CPSF1: variants seen among roughly 807,000 people sequenced by gnomAD.
CPSF1 encodes the protein cleavage and polyadenylation specific factor 1, also known as cleavage and polyadenylation specificity factor subunit 1.
Under a neutral mutation model 175.8 loss-of-function variants are expected in CPSF1, and 106 were observed. The ratio of observed to expected loss-of-function variants is 0.60; its 90% CI spans 0.52 to 0.71. The LOEUF is 0.71. Ranked by LOEUF, CPSF1 falls within the 30% of genes least tolerant of loss-of-function variation. The pLI, the probability that CPSF1 is intolerant of heterozygous loss-of-function variation, is 0.00. For synonymous variants in CPSF1, 1,024 were observed against 858.3 expected, an observed-to-expected ratio of 1.19 and a Z score of -3.37; for missense variants, 1,734 against 2,022.9, an observed-to-expected ratio of 0.86 and a Z score of 2.74.
In CPSF1 at chr8:144,393,232, C is replaced by G; in HGVS notation, c.*86G>C. On this transcript the variant is annotated 3_prime_UTR_variant, in exon 38 of 38. Transcript: ENST00000616140. ...CCGTGTAATGACCACACACTCCTCT[C>G]AAGCAAAAAATGTTTTTCCTTGTGT... 1 of 1,409,954 alleles carries G rather than the reference C, an allele frequency of 7.1e-7. No individual in the cohort carries two copies. Among genetic ancestry groups the G allele is most frequent in the Non-Finnish European group, 9.5e-7 (1 of 1,057,444 alleles). The allele number at this position is 1,409,954 out of a possible 1,614,324, so 87.3% of individuals were successfully genotyped here.
At chr8:144,400,135 G>GGGCCCCCCCCCCCCCCCCCCCCCCCCCCC in intron 9 of CPSF1, 31 bp downstream of exon 9, 38 of 895,946 alleles carry the variant, frequency 4.2e-5, no homozygotes, top group Non-Finnish European at 5.5e-5. Context: ...CCGTCCCCGG[G>GGGCCCCCCCCCCCCCCCCCCCCCCCCCCC]CCCCCCCCGC....
Position 144,394,011 on chromosome 8 carries a change from AGGC to A in CPSF1, c.3884_3886del (p.Arg1295del), listed in dbSNP as rs1554862532. On this transcript the variant is annotated inframe_deletion, in exon 35 of 38. Coordinates refer to ENST00000616140, the MANE Select transcript of CPSF1 (RefSeq NM_013291.3). ...CACGTGGAAGTCTGCCCGACGCAGCAGGCGCATGCCCCCGAAACTCTCCTTGGC... is the reference window on the plus strand; with the variant it reads ...CACGTGGAAGTCTGCCCGACGCAGCAGCATGCCCCCGAAACTCTCCTTGGC... 1 of 1,612,640 alleles carries A rather than the reference AGGC, an allele frequency of 6.2e-7. No individual in the cohort carries two copies. The highest frequency in any genetic ancestry group is 2.2e-5 in the East Asian group (1 of 44,850).
intron 2 of CPSF1, among the ~76,000 whole-genome samples, chr8:144,406,181 G>A (rs1821490389): frequency 6.6e-6 from 1 of 151,806 alleles, no homozygotes; most frequent in East Asian, 1.9e-4. Context: ...CAAAACAGAA[G>A]AAGAAAACCT....
Position 144,399,677 on chromosome 8 carries a change from C to T in CPSF1, c.1153G>A (p.Gly385Ser), listed in dbSNP as rs1038133042. 1 of 1,610,676 alleles carries T rather than the reference C, an allele frequency of 6.2e-7. No homozygotes were observed. The highest frequency in any genetic ancestry group is 8.5e-7 in the Non-Finnish European group (1 of 1,178,620). The stretch of plus-strand genomic sequence containing the variant: ...AGGAGGGAATTGCCCAGGCGAGAAC[C>T]CAGGAACAGGTACCCGGGCTCCATG... The part of the protein sequence containing the change: ...VTMEPGYLFL[G>S]SRLGNSLLLK... The change falls in exon 12 of 38, where the codon GGT becomes AGT. Residue 385 changes from glycine (G) to serine (S), a missense_variant. By Grantham distance (56) the Gly-to-Ser change is moderately conservative. Around this residue, in one of 10 missense-constraint regions of CPSF1, gnomAD observed 162 missense variants for 169.5 expected, o/e 0.96. Coordinates refer to ENST00000616140, the MANE Select transcript of CPSF1 (RefSeq NM_013291.3). This position sits in a 1 kb window ranked among gnomAD's most constrained non-coding sequence, Gnocchi z 6.4.
chr8:144,406,553 T>C (rs1272386966), intron 2 of CPSF1, among the ~76,000 whole-genome samples: 4 of 152,228 alleles, frequency 2.6e-5, no homozygotes, highest in African/African-American at 9.6e-5. Flanking sequence ...ATATTCTGGG[T>C]GATCTCAACC....
At chr8:144,409,207 T>C (rs2116913787) in intron 1 of CPSF1, 35 bp from the exon 2 acceptor site, 2 of 1,496,868 alleles carry the variant, frequency 1.3e-6, no homozygotes, top group East Asian at 2.6e-5. Flanking sequence ...GTGAGCGGGG[T>C]CGCCCACGCA....
At position 144,397,575 on chromosome 8, in the gene CPSF1, C is replaced by T; in HGVS notation, c.2297G>A (p.Ser766Asn). ...SPSKEEARRS[S>N]QPPADRDPAP... ...AGGGTCCCGGTCAGCAGGGGGCTGG[C>T]TGCTTCTTCGGGCCTCCTCCTTGCT... The change falls in exon 22 of 38, where the codon AGC (serine) becomes AAC (asparagine). Residue 766 changes from serine to asparagine, a missense_variant. By Grantham distance (46) the Ser-to-Asn change is conservative. This residue lies in a region of CPSF1 where 585 missense variants were observed against 584.7 expected (regional missense o/e 1.00). Coordinates refer to ENST00000616140, the MANE Select transcript of CPSF1 (RefSeq NM_013291.3). 1.3e-6 allele frequency: 2 copies of T among 1,543,984 alleles called. No homozygotes were observed. The highest frequency in any genetic ancestry group is 1.8e-6 in the Non-Finnish European group (2 of 1,139,912).
At chr8:144,406,719 C>T (rs2116906045) in intron 2 of CPSF1, among the ~76,000 whole-genome samples, 4 of 152,126 alleles carry the variant, frequency 2.6e-5, no homozygotes, top group Middle Eastern at 3.2e-3. Context: ...CGGTGGCCAG[C>T]GTCCAAGGCA....
intron 26 of CPSF1, 139 bp downstream of exon 26, chr8:144,396,209 G>C (rs1820716151): frequency 2.2e-6 from 2 of 901,030 alleles, no homozygotes; most frequent in South Asian, 1.7e-5. Context: ...CCACCTCCTC[G>C]ACCTCAACCC....
intron 26 of CPSF1, 191 bp from the exon 27 acceptor site, chr8:144,395,742 T>C: frequency 6.6e-6 from 4 of 605,238 alleles, no homozygotes; most frequent in Non-Finnish European, 1.2e-5. Context: ...CCTGTCCATT[T>C]TCCCACGCTC....
intron 2 of CPSF1, among the ~76,000 whole-genome samples, chr8:144,403,059 C>T (rs1052550987): frequency 1.3e-5 from 2 of 151,618 alleles, no homozygotes; most frequent in Non-Finnish European, 2.9e-5. Flanking sequence ...TAAAGGCATT[C>T]GTGATAAAAA....
intron 2 of CPSF1, among the ~76,000 whole-genome samples, chr8:144,407,130 G>T (rs1303592112): frequency 6.6e-6 from 1 of 151,748 alleles, no homozygotes; most frequent in East Asian, 1.9e-4. Context: ...GGCCAGACTG[G>T]TCTCGAACCC....
chr8:144,400,135 G>GGGGGGCGCC, intron 9 of CPSF1, 31 bp downstream of exon 9: 1 of 896,010 alleles, frequency 1.1e-6, no homozygotes, highest in Non-Finnish European at 1.6e-6. Context: ...CCGTCCCCGG[G>GGGGGGCGCC]CCCCCCCCGC....
In CPSF1 at chr8:144,395,566, CA is replaced by C. The variant is rs1554863468; in HGVS notation, c.2980-16del. ...CTCAGCTCGCCCTGGGGTGGGGGCA[CA>C]GGGGTCAGGGGATCCAGGGCTAGCC... On this transcript the variant is annotated splice_polypyrimidine_tract_variant and intron_variant, in intron 26 of 37. Transcript: ENST00000616140. 1 of 416,016 alleles carries C rather than the reference CA, an allele frequency of 2.4e-6. No homozygotes were observed. Among genetic ancestry groups the C allele is most frequent in the Admixed American group, 3.0e-5 (1 of 33,698 alleles). The allele number at this position is 416,016 out of a possible 1,614,324, so 25.8% of individuals were successfully genotyped here. A position where few individuals can be genotyped will look rare whatever the true frequency, so the allele number is the denominator to read the frequency against.
At chr8:144,396,208 C>A (rs996063048) in intron 26 of CPSF1, 140 bp downstream of exon 26, 5 of 896,928 alleles carry the variant, frequency 5.6e-6, no homozygotes, top group Non-Finnish European at 8.4e-6. Flanking sequence ...TCCACCTCCT[C>A]GACCTCAACC....
At chr8:144,405,830 C>T (rs898529927) in intron 2 of CPSF1, among the ~76,000 whole-genome samples, 1 of 152,152 alleles carries the variant, frequency 6.6e-6, no homozygotes, top group African/African-American at 2.4e-5. Flanking sequence ...CCAACACCAC[C>T]ATGCTGCCAG....
chr8:144,397,615 A>C lies in CPSF1; in HGVS notation c.2257T>G (p.Ser753Ala). 2 of 1,534,204 alleles carry C rather than the reference A, an allele frequency of 1.3e-6. No individual in the cohort carries two copies. The highest frequency in any genetic ancestry group is 1.8e-6 in the Non-Finnish European group (2 of 1,136,524). ...EEEMLYGDSG[S>A]LFSPSKEEAR... ...TCCTCCTTGCTGGGGCTGAAGAGGG[A>C]GCCCGAATCCCCATACAGCATCTCC... The change falls in exon 22 of 38, where the codon TCC (serine) becomes GCC (alanine). Residue 753 changes from serine (S) to alanine (A), a missense_variant. Physicochemically the swap from Ser to Ala is moderately conservative, Grantham distance 99. This residue lies in a region of CPSF1 where 585 missense variants were observed against 584.7 expected (regional missense o/e 1.00). Transcript: ENST00000616140.
chr8:144,394,435 T>A lies in CPSF1; in HGVS notation c.3688A>T (p.Ser1230Cys). The A allele has an allele frequency of 6.2e-7, 1 of 1,608,420 alleles. No homozygotes were observed. Among genetic ancestry groups the A allele is most frequent in the Non-Finnish European group, 8.5e-7 (1 of 1,178,106 alleles). Residue 1230 changes from serine to cysteine, a missense_variant, in exon 32 of 38, where the codon AGC (serine) becomes TGC (cysteine). By Grantham distance (112) the Ser-to-Cys change is moderately radical (BLOSUM62 -1). Around this residue, in one of 10 missense-constraint regions of CPSF1, gnomAD observed 323 missense variants for 338.5 expected, o/e 0.95. Transcript: ENST00000616140. ...TCCTGGTAGCGCAGCAGCGAAATGC[T>A]CTTCATGACGTCGGCTGCCAGGATG... ...NFILAADVMK[S>C]ISLLRYQEES...
At chr8:144,401,391 C>G in intron 4 of CPSF1, 39 bp downstream of exon 4, 3 of 1,612,732 alleles carry the variant, frequency 1.9e-6, no homozygotes, top group Middle Eastern at 1.7e-4. Flanking sequence ...CCCACTCCCA[C>G]GCCTTGGCCA....
Sources: gnomAD v4.1 joint callset for allele counts (sites outside exome capture counted in the v4.1 genomes callset) on GRCh38, gnomAD v4.1.1 for gene constraint, gnomAD v4.1.1 regional missense constraint, Gnocchi (gnomAD v3.1) non-coding constraint, MANE v1.5 for transcripts, NCBI Gene and HGNC (gene_info 2026-07-23, HGNC 2026-07-21) for gene names.